UBE2H: variants seen among roughly 807,000 people sequenced by gnomAD.
UBE2H encodes ubiquitin conjugating enzyme E2 H.
A neutral mutation model predicts 29.0 loss-of-function variants in UBE2H; 3 were observed. The ratio of observed to expected loss-of-function variants is 0.10; its 90% CI spans 0.05 to 0.27. The LOEUF (loss-of-function observed/expected upper bound fraction) is 0.27. Ranked by LOEUF, UBE2H falls within the 10% of genes least tolerant of loss-of-function variation. The probability of loss-of-function intolerance (pLI) is 1.00; values close to 1 mark genes in which losing one functional copy is unlikely to be tolerated. For synonymous variants in UBE2H, 69 were observed against 82.9 expected, an observed-to-expected ratio of 0.83 and a Z score of 0.91; for missense variants, 68 against 228.2, an observed-to-expected ratio of 0.30 and a Z score of 4.52.
intron 1 of UBE2H, among the ~76,000 whole-genome samples, chr7:129,952,275 A>G (rs949665145): frequency 3.3e-5 from 5 of 152,226 alleles, no homozygotes; most frequent in African/African-American, 9.6e-5. Flanking sequence ...GGGATACAGG[A>G]AGAGCGAGCA....
chr7:129,869,812 A>G (rs991772726), intron 3 of UBE2H, among the ~76,000 whole-genome samples: 10 of 152,112 alleles, frequency 6.6e-5, no homozygotes, highest in African/African-American at 2.2e-4. Flanking sequence ...GGCAGGGAGG[A>G]GAGACATAAG....
intron 1 of UBE2H, among the ~76,000 whole-genome samples, chr7:129,926,329 G>C (rs1365217501): frequency 6.6e-6 from 1 of 151,804 alleles, no homozygotes; most frequent in African/African-American, 2.4e-5. Context: ...GACCAACATG[G>C]AGAAACCCCT....
chr7:129,857,988 T>C (rs1456727198), intron 4 of UBE2H, among the ~76,000 whole-genome samples: 1 of 152,194 alleles, frequency 6.6e-6, no homozygotes, highest in Non-Finnish European at 1.5e-5. Context: ...CTATGTTATT[T>C]TAAAAAGTGA....
chr7:129,920,052 T>G (rs1807125214), intron 1 of UBE2H, among the ~76,000 whole-genome samples: 1 of 152,234 alleles, frequency 6.6e-6, no homozygotes, highest in South Asian at 2.1e-4. Context: ...TGCTTCAGGT[T>G]ACATACATTA....
At chr7:129,876,240 G>A (rs1450868641) in intron 3 of UBE2H, among the ~76,000 whole-genome samples, 2 of 152,154 alleles carry the variant, frequency 1.3e-5, no homozygotes, top group African/African-American at 4.8e-5. Context: ...TTTTCTAGCA[G>A]AGAAAACAAT....
chr7:129,877,591 C>T (rs922915859), intron 3 of UBE2H, among the ~76,000 whole-genome samples: 1 of 152,122 alleles, frequency 6.6e-6, no homozygotes, highest in Non-Finnish European at 1.5e-5. Flanking sequence ...AGATGATACA[C>T]ATTTGTAGGC....
intron 1 of UBE2H, among the ~76,000 whole-genome samples, chr7:129,898,466 G>T (rs1206992253): frequency 1.3e-5 from 2 of 152,018 alleles, no homozygotes; most frequent in African/African-American, 2.4e-5. Flanking sequence ...GTATGAGAAG[G>T]AAATTAAAAA....
chr7:129,904,173 C>T (rs1806771036), intron 1 of UBE2H, among the ~76,000 whole-genome samples: 1 of 152,194 alleles, frequency 6.6e-6, no homozygotes, highest in African/African-American at 2.4e-5. Context: ...TTTCCTCAAA[C>T]ACAATAAGCT....
At chr7:129,870,763 T>G (rs1361525566) in intron 3 of UBE2H, among the ~76,000 whole-genome samples, 2 of 152,126 alleles carry the variant, frequency 1.3e-5, no homozygotes, top group South Asian at 2.1e-4. Context: ...TGCTGAAAAC[T>G]ATGTAATCTT....
chr7:129,839,390 C>T (rs1805386722), intron 5 of UBE2H, 55 bp from the exon 6 acceptor site: 1 of 1,606,460 alleles, frequency 6.2e-7, no homozygotes, highest in South Asian at 1.1e-5. Context: ...ACCTAAAATT[C>T]ACTTGCATTC....
At position 129,944,954 on chromosome 7, in the gene UBE2H, TA is replaced by T. The variant is rs903800578; in HGVS notation, c.53+7548del. Among the ~76,000 whole-genome samples, 22 of 146,614 alleles carry T rather than the reference TA, an allele frequency of 1.5e-4. 1 individual carries two copies. The highest frequency in any genetic ancestry group is 3.8e-4 in the African/African-American group (15 of 39,788). The stretch of plus-strand genomic sequence containing the variant: ...CACATAATAGAATACTACTCAGCAA[TA>T]AAAAAAAAATGAACTAAATAACATG... On this transcript the variant is annotated intron_variant, in intron 1 of 6. Coordinates refer to ENST00000355621, the MANE Select transcript of UBE2H (RefSeq NM_003344.4).
intron 1 of UBE2H, among the ~76,000 whole-genome samples, chr7:129,892,622 G>T (rs1379324577): frequency 6.6e-6 from 1 of 152,116 alleles, no homozygotes; most frequent in Non-Finnish European, 1.5e-5. Flanking sequence ...CAAAATACAA[G>T]GATACCCTTA....
At chr7:129,893,063 T>G (rs1038231318) in intron 1 of UBE2H, among the ~76,000 whole-genome samples, 1 of 152,190 alleles carries the variant, frequency 6.6e-6, no homozygotes, top group East Asian at 1.9e-4. Flanking sequence ...ACCCTGAATA[T>G]TTAAAGACCC....
In UBE2H at chr7:129,952,729, T is replaced by G; in HGVS notation, c.-174A>C. The G allele has an allele frequency of 1.6e-6, 1 of 618,094 alleles. No homozygotes were observed. 38.3% of individuals were successfully genotyped at this position (618,094 alleles called of 1,614,324 possible). A position where few individuals can be genotyped will look rare whatever the true frequency, so the allele number is the denominator to read the frequency against. On this transcript the variant is annotated 5_prime_UTR_variant, in exon 1 of 7. Transcript: ENST00000355621. ...CCCCGCACGGGGGAACACCGGGCAC[T>G]GTCCGGCCGGGTGGGGGTGGGGACC...
At chr7:129,934,311 G>A (rs765412387) in intron 1 of UBE2H, among the ~76,000 whole-genome samples, 1 of 151,586 alleles carries the variant, frequency 6.6e-6, no homozygotes, top group Admixed American at 6.6e-5. Flanking sequence ...AACACAGACC[G>A]ACCTTGCTTT....
chr7:129,857,042 C>G (rs961157200), intron 5 of UBE2H: 1 of 153,254 alleles, frequency 6.5e-6, no homozygotes, highest in Non-Finnish European at 1.5e-5. Flanking sequence ...AATTTCAGCA[C>G]TGAAGGTAAG....
intron 1 of UBE2H, among the ~76,000 whole-genome samples, chr7:129,929,317 CAAAAAAA>C (rs1255962023): frequency 1.1e-5 from 1 of 91,502 alleles, no homozygotes; most frequent in Non-Finnish European, 2.2e-5. Flanking sequence ...AACTCCATCT[CAAAAAAA>C]AAAAAAAAAA....
chr7:129,918,395 G>A (rs1807087494), intron 1 of UBE2H, among the ~76,000 whole-genome samples: 2 of 145,160 alleles, frequency 1.4e-5, no homozygotes, highest in Non-Finnish European at 1.5e-5. Context: ...GTCTTGCTCT[G>A]TCACCCAGGA....
chr7:129,917,417 T>C (rs1807066846), intron 1 of UBE2H, among the ~76,000 whole-genome samples: 1 of 152,116 alleles, frequency 6.6e-6, no homozygotes, highest in Non-Finnish European at 1.5e-5. Context: ...CCCTACTCCT[T>C]CTCCATCAGC....
Sources: allele counts gnomAD v4.1 joint callset (sites outside exome capture counted in the v4.1 genomes callset), GRCh38; gene constraint gnomAD v4.1.1; transcripts MANE v1.5; gene names NCBI Gene and HGNC (gene_info 2026-07-23, HGNC 2026-07-21).